The following ZMYND11 variants were observed in gnomAD, a reference collection of about 807,000 sequenced individuals.
ZMYND11 encodes the protein zinc finger MYND-type containing 11, also known as zinc finger MYND domain-containing protein 11.
A neutral mutation model predicts 84.9 loss-of-function variants in ZMYND11; 9 were observed. The observed-to-expected ratio is 0.11, with a 90% CI of 0.06 to 0.18. ZMYND11 has a LOEUF of 0.18. Ranked by LOEUF, ZMYND11 falls within the 10% of genes least tolerant of loss-of-function variation. The pLI is 1.00. For synonymous variants in ZMYND11, 250 were observed against 244.1 expected, an observed-to-expected ratio of 1.02 and a Z score of -0.23; for missense variants, 409 against 761.0, an observed-to-expected ratio of 0.54 and a Z score of 5.44.
At chr10:169,172 G>A (rs965097564) in intron 1 of ZMYND11, among the ~76,000 whole-genome samples, 1 of 152,046 alleles carries the variant, frequency 6.6e-6, no homozygotes, top group Non-Finnish European at 1.5e-5. Flanking sequence ...ATGGGGAAAG[G>A]GAAATATACA....
At chr10:218,360 T>C (rs560390553) in intron 3 of ZMYND11, 1 of 184,960 alleles carries the variant, frequency 5.4e-6, no homozygotes, top group Admixed American at 6.3e-5. Flanking sequence ...ATAAACAGTT[T>C]GGCCCTGTGT....
chr10:201,066 A>G (rs141218052), intron 2 of ZMYND11, among the ~76,000 whole-genome samples: 3 of 152,082 alleles, frequency 2.0e-5, no homozygotes, highest in Non-Finnish European at 4.4e-5. Context: ...ACAGCAAGAT[A>G]CTAGATCAAT....
At chr10:214,116 T>C (rs1943976161) in intron 3 of ZMYND11, among the ~76,000 whole-genome samples, 1 of 152,188 alleles carries the variant, frequency 6.6e-6, no homozygotes, top group Admixed American at 6.5e-5. Context: ...AGCCACCGTT[T>C]GCAGCCCTAA....
At chr10:242,513 A>ACAGAC (rs1951206127) in intron 10 of ZMYND11, among the ~76,000 whole-genome samples, 1 of 152,232 alleles carries the variant, frequency 6.6e-6, no homozygotes, top group African/African-American at 2.4e-5. Flanking sequence ...TTAAAGACAT[A>ACAGAC]TAGACTAAAA....
At chr10:168,436 A>G (rs1454447279) in intron 1 of ZMYND11, among the ~76,000 whole-genome samples, 1 of 151,976 alleles carries the variant, frequency 6.6e-6, no homozygotes, top group Admixed American at 6.6e-5. Flanking sequence ...ACATAGTAAG[A>G]CTCTGTCTCT....
At chr10:202,416 T>C (rs1943365555) in intron 2 of ZMYND11, among the ~76,000 whole-genome samples, 2 of 152,182 alleles carry the variant, frequency 1.3e-5, no homozygotes, top group Admixed American at 6.5e-5. Context: ...CTTTATGAGC[T>C]TGTATTTCTT....
intron 1 of ZMYND11, among the ~76,000 whole-genome samples, chr10:144,709 A>G (rs1165323915): frequency 7.3e-6 from 1 of 137,036 alleles, no homozygotes; most frequent in Non-Finnish European, 1.5e-5. Flanking sequence ...TCTGGGCTCT[A>G]ATTTTTTATT....
chr10:139,797 C>T (rs1554753516), intron 1 of ZMYND11, among the ~76,000 whole-genome samples: 2 of 150,376 alleles, frequency 1.3e-5, no homozygotes, highest in Non-Finnish European at 1.5e-5. Context: ...CTACAACCTC[C>T]ACCTCCTGGG....
At chr10:219,774 A>G (rs1167538645) in intron 3 of ZMYND11, among the ~76,000 whole-genome samples, 1 of 152,206 alleles carries the variant, frequency 6.6e-6, no homozygotes, top group Non-Finnish European at 1.5e-5. Flanking sequence ...AACTGAAATT[A>G]CCATACCAAA....
At chr10:247,080 CT>C in intron 11 of ZMYND11, 107 bp downstream of exon 11, 4 of 1,193,928 alleles carry the variant, frequency 3.4e-6, no homozygotes, top group South Asian at 1.4e-5. Flanking sequence ...TTCTCCTTCC[CT>C]TTTTTACATT....
chr10:132,054 G>A (rs1835321600), upstream of ZMYND11, among the ~76,000 whole-genome samples: 1 of 151,996 alleles, frequency 6.6e-6, no homozygotes, highest in Admixed American at 6.6e-5. Flanking sequence ...TAATAGAGGA[G>A]AAGATAAGGA....
At chr10:225,073 A>G (rs1204057676) in intron 4 of ZMYND11, among the ~76,000 whole-genome samples, 2 of 152,244 alleles carry the variant, frequency 1.3e-5, no homozygotes, top group Non-Finnish European at 2.9e-5. Flanking sequence ...TTTACAAAAA[A>G]GAAATACCTT....
At chr10:242,465 C>T (rs1564451722) in intron 10 of ZMYND11, among the ~76,000 whole-genome samples, 1 of 152,092 alleles carries the variant, frequency 6.6e-6, no homozygotes, top group Admixed American at 6.6e-5. Flanking sequence ...ACCATATTCA[C>T]AGTTACTCTA....
At chr10:155,407 G>C (rs1226594378) in intron 1 of ZMYND11, among the ~76,000 whole-genome samples, 2 of 152,160 alleles carry the variant, frequency 1.3e-5, no homozygotes, top group Non-Finnish European at 2.9e-5. Context: ...CCAGCACTTT[G>C]GGAGACCAAA....
rs760578933 is a variant in ZMYND11, at chr10:240,931, G to A, written c.792G>A (p.Leu264=). Residue 264 remains leucine (L), a synonymous_variant, in exon 9 of 15, where the codon TTG becomes TTA. Transcript: ENST00000381604. The part of the protein sequence containing the change: ...ELQLCKNCFY[L]SNARPDNWFC... The stretch of plus-strand genomic sequence containing the variant: ...AGCTTTGCAAGAATTGCTTTTACTT[G>A]TCAAATGCTCGTCCTGACAACTGGT... The A allele has an allele frequency of 1.2e-6, 2 of 1,613,598 alleles. No individual in the cohort carries two copies. Among genetic ancestry groups the A allele is most frequent in the African/African-American group, 1.3e-5 (1 of 74,962 alleles).
chr10:168,417 G>T (rs373450858), intron 1 of ZMYND11, among the ~76,000 whole-genome samples: 19 of 152,174 alleles, frequency 1.2e-4, no homozygotes, highest in East Asian at 9.6e-4. Context: ...ATGGAGTCCA[G>T]CCTGGGCAAC....
Position 237,572 on chromosome 10 carries a change from A to C in ZMYND11, c.517-13A>C. The C allele has an allele frequency of 6.4e-7, 1 of 1,566,286 alleles. No individual in the cohort carries two copies. The highest frequency in any genetic ancestry group is 8.7e-7 in the Non-Finnish European group (1 of 1,145,524). On this transcript the variant is annotated splice_polypyrimidine_tract_variant and intron_variant, in intron 5 of 14. Transcript: ENST00000381604. The stretch of plus-strand genomic sequence containing the variant: ...TTAACCACATTTAAATTGATGTACT[A>C]ACACCCTCTTAGGCTATAGATCTTA...
At chr10:176,329 A>G (rs1588668680) in intron 1 of ZMYND11, among the ~76,000 whole-genome samples, 1 of 152,086 alleles carries the variant, frequency 6.6e-6, no homozygotes, top group Non-Finnish European at 1.5e-5. Context: ...TTTTACCAAA[A>G]GGAGCCTGTA....
At chr10:199,323 CTCCCTCTCTCCCTCCG>C (rs753084588) in intron 2 of ZMYND11, among the ~76,000 whole-genome samples, 2 of 149,048 alleles carry the variant, frequency 1.3e-5, no homozygotes, top group African/African-American at 2.5e-5. Flanking sequence ...CCCTCCCTCC[CTCCCTCTCTCCCTCCG>C]TCTCTGTCTC....
Sources: allele counts gnomAD v4.1 joint callset (sites outside exome capture counted in the v4.1 genomes callset), GRCh38; gene constraint gnomAD v4.1.1; transcripts MANE v1.5; gene names NCBI Gene and HGNC (gene_info 2026-07-23, HGNC 2026-07-21).